The following CACNA2D2 variants were observed in gnomAD, a reference collection of about 807,000 sequenced individuals.
CACNA2D2 encodes voltage-dependent calcium channel subunit alpha-2/delta-2.
A neutral mutation model predicts 166.4 loss-of-function variants in CACNA2D2; 48 were observed. The observed-to-expected ratio is 0.29, with a 90% CI of 0.23 to 0.37. The LOEUF (loss-of-function observed/expected upper bound fraction) is 0.37. CACNA2D2 is among the 10% of genes least tolerant of loss of function. CACNA2D2 has a pLI of 1.00. For missense variants in CACNA2D2, 1,122 were observed against 1,433.0 expected, an observed-to-expected ratio of 0.78 and a Z score of 3.50; for synonymous variants, 561 against 573.7, an observed-to-expected ratio of 0.98 and a Z score of 0.32.
Position 50,380,885 on chromosome 3 carries a change from T to G in CACNA2D2, c.785-80A>C. The G allele has an allele frequency of 5.9e-6, 9 of 1,537,324 alleles. No individual in the cohort carries two copies. The highest frequency in any genetic ancestry group is 7.9e-6 in the Non-Finnish European group (9 of 1,135,578). On this transcript the variant is annotated intron_variant, in intron 7 of 37. Coordinates refer to ENST00000424201, the MANE Select transcript of CACNA2D2 (RefSeq NM_006030.4). This position sits in a 1 kb window ranked among gnomAD's most constrained non-coding sequence, Gnocchi z 4.9. Reference sequence around the variant, plus strand: ...GCAGACCTTGCAGAGGCGACTGGGCTGCCACAGACTACAGAGAAGCCACCC... The same window carrying G: ...GCAGACCTTGCAGAGGCGACTGGGCGGCCACAGACTACAGAGAAGCCACCC...
chr3:50,469,111 G>A (rs1709957203), intron 2 of CACNA2D2, among the ~76,000 whole-genome samples: 1 of 152,118 alleles, frequency 6.6e-6, no homozygotes, highest in African/African-American at 2.4e-5. Flanking sequence ...TTACAGGCAT[G>A]AGCCACCACG....
At chr3:50,493,049 G>A (rs1698581994) in intron 1 of CACNA2D2, among the ~76,000 whole-genome samples, 1 of 152,174 alleles carries the variant, frequency 6.6e-6, no homozygotes, top group African/African-American at 2.4e-5. Flanking sequence ...TGACTGATGT[G>A]GTTAAAACAA....
Position 50,378,901 on chromosome 3 carries a change from C to A in CACNA2D2, c.1339+14G>T, listed in dbSNP as rs202140446. ...GGCAGGCAGGCCCCTGACAGTGATG[C>A]GCAGGGGAGGTACCTTTGTTGGCAC... On this transcript the variant is annotated intron_variant, in intron 13 of 37. Coordinates refer to ENST00000424201, the MANE Select transcript of CACNA2D2 (RefSeq NM_006030.4). The A allele has an allele frequency of 1.9e-6, 3 of 1,613,022 alleles. No homozygotes were observed. Among genetic ancestry groups the A allele is most frequent in the Non-Finnish European group, 2.5e-6 (3 of 1,179,508 alleles).
chr3:50,435,967 G>A (rs371057355), intron 2 of CACNA2D2, among the ~76,000 whole-genome samples: 1 of 152,206 alleles, frequency 6.6e-6, no homozygotes, highest in African/African-American at 2.4e-5. Flanking sequence ...CAGGACAGAC[G>A]TTCACAGAGG....
At chr3:50,434,624 G>A (rs1279189434) in intron 2 of CACNA2D2, among the ~76,000 whole-genome samples, 195 bp from the exon 3 acceptor site, 3 of 152,190 alleles carry the variant, frequency 2.0e-5, no homozygotes. Flanking sequence ...CAGGGGCTCC[G>A]TAGCTTGCAT....
At chr3:50,462,260 G>C (rs945031443) in intron 2 of CACNA2D2, among the ~76,000 whole-genome samples, 6 of 151,928 alleles carry the variant, frequency 3.9e-5, no homozygotes, top group Admixed American at 2.6e-4. Context: ...GTGGTGGTGC[G>C]TGCCTGAATT....
chr3:50,403,237 G>A (rs1355125670), intron 3 of CACNA2D2, among the ~76,000 whole-genome samples: 1 of 152,016 alleles, frequency 6.6e-6, no homozygotes, highest in East Asian at 1.9e-4. Context: ...GACAGCGAAC[G>A]GGATGGGGAC....
At chr3:50,468,433 GT>G (rs1709921601) in intron 2 of CACNA2D2, among the ~76,000 whole-genome samples, 1 of 147,754 alleles carries the variant, frequency 6.8e-6, no homozygotes, top group Non-Finnish European at 1.5e-5. Context: ...GTGTGTGTGT[GT>G]GTGTGTGGCT....
rs767037942 is a variant in CACNA2D2 at position 50,394,128 on chromosome 3, C to A, written c.446G>T (p.Arg149Leu). ...TCCTACCTTGATGTTGTCCTGCCAG[C>A]GGTGTGCTTTCTGGAAGTTCTCTGC... is the stretch of plus-strand genomic sequence containing the variant. The part of the protein sequence containing the change: ...DAAENFQKAH[R>L]WQDNIKEEDI... The change falls in exon 4 of 38, where the codon CGC (arginine) becomes CTC (leucine). Residue 149 changes from arginine to leucine, a missense_variant. Arg to Leu is a moderately radical substitution (Grantham distance 102). Transcript: ENST00000424201. The A allele has an allele frequency of 5.0e-6, 8 of 1,614,040 alleles. No individual in the cohort carries two copies. Among genetic ancestry groups the A allele is most frequent in the Non-Finnish European group, 6.8e-6 (8 of 1,179,936 alleles).
At chr3:50,461,573 C>A (rs879610803) in intron 2 of CACNA2D2, among the ~76,000 whole-genome samples, 1 of 151,900 alleles carries the variant, frequency 6.6e-6, no homozygotes, top group Admixed American at 6.6e-5. Flanking sequence ...CTAGCCTGGC[C>A]AACATAGCGA....
chr3:50,483,662 C>G (rs1167931947), intron 1 of CACNA2D2, among the ~76,000 whole-genome samples: 1 of 152,080 alleles, frequency 6.6e-6, no homozygotes, highest in Non-Finnish European at 1.5e-5. Context: ...GCAGCAATAC[C>G]CAGCAATACC....
intron 2 of CACNA2D2, among the ~76,000 whole-genome samples, chr3:50,453,376 T>G (rs1474682255): frequency 6.6e-6 from 1 of 152,184 alleles, no homozygotes; most frequent in Non-Finnish European, 1.5e-5. Flanking sequence ...GTCCCCTGAA[T>G]AGGACAGAGC....
intron 3 of CACNA2D2, among the ~76,000 whole-genome samples, chr3:50,399,621 G>C (rs953725785): frequency 1.3e-5 from 2 of 152,142 alleles, no homozygotes; most frequent in Non-Finnish European, 2.9e-5. Flanking sequence ...AGACTCACGA[G>C]AAGTAGATTC....
intron 1 of CACNA2D2, among the ~76,000 whole-genome samples, chr3:50,487,119 C>T (rs532445965): frequency 6.6e-6 from 1 of 152,350 alleles, no homozygotes; most frequent in South Asian, 2.1e-4. Flanking sequence ...GACCACACTG[C>T]TGAACCACAA....
At chr3:50,395,583 G>A (rs1251297714) in intron 3 of CACNA2D2, among the ~76,000 whole-genome samples, 1 of 152,244 alleles carries the variant, frequency 6.6e-6, no homozygotes, top group Admixed American at 6.5e-5. Flanking sequence ...TTGAGTCCAG[G>A]CCTGATATGG....
intron 22 of CACNA2D2, 149 bp from the exon 23 acceptor site, chr3:50,370,529 C>G: frequency 1.5e-6 from 1 of 653,700 alleles, no homozygotes; most frequent in South Asian, 1.7e-5. Context: ...TTTCCACGTC[C>G]AGGAGCCAGA....
chr3:50,400,156 T>C (rs1214636176), intron 3 of CACNA2D2, among the ~76,000 whole-genome samples: 1 of 152,246 alleles, frequency 6.6e-6, no homozygotes, highest in African/African-American at 2.4e-5. Flanking sequence ...TAAAAACATA[T>C]CTGCATAATT....
chr3:50,450,357 C>T (rs1238236475), intron 2 of CACNA2D2, among the ~76,000 whole-genome samples: 5 of 148,892 alleles, frequency 3.4e-5, no homozygotes, highest in African/African-American at 1.2e-4. Context: ...CCCTACCCTG[C>T]CCCCGCCCCG....
At chr3:50,400,688 G>A (rs1297771984) in intron 3 of CACNA2D2, among the ~76,000 whole-genome samples, 2 of 152,256 alleles carry the variant, frequency 1.3e-5, no homozygotes, top group African/African-American at 2.4e-5. Flanking sequence ...CCTGTCGGGT[G>A]CACTGTTGAC....
Sources: gnomAD v4.1 joint callset for allele counts (sites outside exome capture counted in the v4.1 genomes callset) on GRCh38, gnomAD v4.1.1 for gene constraint, Gnocchi (gnomAD v3.1) non-coding constraint, MANE v1.5 for transcripts, NCBI Gene and HGNC (gene_info 2026-07-23, HGNC 2026-07-21) for gene names.